Variants in BMP2K observed in about 807,000 individuals in gnomAD.
BMP2K encodes BMP2 inducible kinase, also known as BMP-2-inducible protein kinase.
BMP2K carries 74 observed loss-of-function variants against 116.0 expected under a neutral mutation model. The ratio of observed to expected loss-of-function variants is 0.64; its 90% CI spans 0.53 to 0.77. BMP2K has a LOEUF of 0.77. Ranked by LOEUF, BMP2K falls within the 30% of genes least tolerant of loss-of-function variation. The pLI is 0.00. For missense variants in BMP2K, 1,365 were observed against 1,403.6 expected (o/e 0.97, Z 0.44); for synonymous variants, 486 against 502.5 (o/e 0.97, Z 0.44).
At chr4:78,876,695 A>G (rs1311236605) in intron 13 of BMP2K, among the ~76,000 whole-genome samples, 4 of 152,236 alleles carry the variant, frequency 2.6e-5, no homozygotes, top group Admixed American at 2.6e-4. Flanking sequence ...TCCCTTCATT[A>G]CTACTGTTAA....
At position 78,795,225 on chromosome 4, in the gene BMP2K, A is replaced by G. The variant is rs561974854; in HGVS notation, c.178+18504A>G. Among the ~76,000 whole-genome samples, 4 of 152,348 alleles carry G rather than the reference A, an allele frequency of 2.6e-5. No homozygotes were observed. In the East Asian group the frequency reaches 7.7e-4, roughly 29 times the overall value. ...CTCTCAATAGACTACAAACTCACACATACGGTGTCCCATTTAAAACGTATT... is the reference window on the plus strand; with the variant it reads ...CTCTCAATAGACTACAAACTCACACGTACGGTGTCCCATTTAAAACGTATT... On this transcript the variant is annotated intron_variant, in intron 1 of 15. Coordinates refer to ENST00000502613, the MANE Select transcript of BMP2K (RefSeq NM_198892.2).
intron 9 of BMP2K, among the ~76,000 whole-genome samples, chr4:78,862,882 T>C (rs1032386508): frequency 6.6e-6 from 1 of 152,136 alleles, no homozygotes; most frequent in Non-Finnish European, 1.5e-5. Flanking sequence ...ATCTATGACA[T>C]AGCTTTAATT....
At chr4:78,871,807 C>A in intron 11 of BMP2K, 43 bp from the exon 12 acceptor site, 3 of 1,404,072 alleles carry the variant, frequency 2.1e-6, no homozygotes, top group Non-Finnish European at 3.0e-6. Flanking sequence ...GGCTCTGACA[C>A]AAAAAAGGCA....
chr4:78,780,643 C>G (rs888181954), intron 1 of BMP2K, among the ~76,000 whole-genome samples: 2 of 152,064 alleles, frequency 1.3e-5, no homozygotes, highest in African/African-American at 4.8e-5. Context: ...AGGGAAGGAT[C>G]GAATAAAAAT....
intron 11 of BMP2K, 77 bp downstream of exon 11, chr4:78,871,137 T>C: frequency 1.9e-6 from 3 of 1,562,306 alleles, no homozygotes; most frequent in Non-Finnish European, 2.6e-6. Context: ...AATTCCTTTT[T>C]GTATCATGGG....
chr4:78,779,850 A>G (rs527770044), intron 1 of BMP2K, among the ~76,000 whole-genome samples: 2 of 152,290 alleles, frequency 1.3e-5, no homozygotes, highest in African/African-American at 2.4e-5. Flanking sequence ...TTGAAAATAG[A>G]ACTTGCACCT....
At chr4:78,794,429 A>G (rs1293369223) in intron 1 of BMP2K, among the ~76,000 whole-genome samples, 2 of 152,200 alleles carry the variant, frequency 1.3e-5, no homozygotes, top group African/African-American at 4.8e-5. Context: ...AAGTAGACTT[A>G]GAAACTGTCA....
chr4:78,818,804 T>C (rs917063303), intron 1 of BMP2K, among the ~76,000 whole-genome samples: 2 of 151,374 alleles, frequency 1.3e-5, no homozygotes, highest in Non-Finnish European at 1.5e-5. Flanking sequence ...TTTTTTTTTT[T>C]TTTTCTTCCT....
chr4:78,848,095 G>A (rs1424367057), intron 6 of BMP2K, among the ~76,000 whole-genome samples: 1 of 151,246 alleles, frequency 6.6e-6, no homozygotes. Flanking sequence ...TCCTTTCCTG[G>A]CCTCCTCCCT....
At chr4:78,881,895 A>G (rs920809048) in intron 14 of BMP2K, among the ~76,000 whole-genome samples, 4 of 152,044 alleles carry the variant, frequency 2.6e-5, no homozygotes, top group South Asian at 2.1e-4. Flanking sequence ...TTGAAATGCA[A>G]TGTAGGATAT....
chr4:78,780,685 T>TAA (rs1481762961), intron 1 of BMP2K, among the ~76,000 whole-genome samples: 1 of 152,176 alleles, frequency 6.6e-6, no homozygotes, highest in East Asian at 1.9e-4. Flanking sequence ...ACAACTTCAT[T>TAA]AAATGCCTTT....
intron 1 of BMP2K, among the ~76,000 whole-genome samples, chr4:78,814,417 A>G (rs1729232569): frequency 6.6e-6 from 1 of 152,204 alleles, no homozygotes; most frequent in Non-Finnish European, 1.5e-5. Flanking sequence ...CCCAAATCCC[A>G]TCTTGAATTG....
chr4:78,803,880 C>T (rs1728689882), intron 1 of BMP2K, among the ~76,000 whole-genome samples: 1 of 152,178 alleles, frequency 6.6e-6, no homozygotes, highest in African/African-American at 2.4e-5. Flanking sequence ...CCCATAACTT[C>T]ATATTCTGAG....
intron 15 of BMP2K, among the ~76,000 whole-genome samples, chr4:78,893,591 C>G (rs546766205): frequency 6.6e-6 from 1 of 152,110 alleles, no homozygotes; most frequent in African/African-American, 2.4e-5. Flanking sequence ...AAAAATGGGT[C>G]CTGCTTTGTC....
rs1189941176 is a variant in BMP2K, at chr4:78,903,295, A to G, written c.2063-7315A>G. On this transcript the variant is annotated intron_variant, in intron 15 of 15. Coordinates refer to ENST00000502613, the MANE Select transcript of BMP2K (RefSeq NM_198892.2). ...CCTATTGTTATTACCTTGGTCACTCATTTTCCAGATCACTAGAGTCAGATT... is the reference window on the plus strand; with the variant it reads ...CCTATTGTTATTACCTTGGTCACTCGTTTTCCAGATCACTAGAGTCAGATT... 2.6e-5 allele frequency among the ~76,000 whole-genome samples: 4 copies of G among 151,890 alleles called. No homozygotes were observed. The East Asian group carries it at 7.7e-4, about 29-fold the overall frequency.
intron 3 of BMP2K, among the ~76,000 whole-genome samples, chr4:78,840,212 T>C (rs1399100853): frequency 6.6e-6 from 1 of 152,194 alleles, no homozygotes; most frequent in Non-Finnish European, 1.5e-5. Flanking sequence ...AGCTTTTGTT[T>C]TGGGTTAATG....
At chr4:78,842,241 G>C (rs914211331) in intron 3 of BMP2K, 144 bp from the exon 4 acceptor site, 35 of 582,652 alleles carry the variant, frequency 6.0e-5, no homozygotes, top group Non-Finnish European at 9.5e-5. Context: ...AATTAATACA[G>C]TATGATGTAA....
At chr4:78,879,583 G>T (rs1039864997) in intron 14 of BMP2K, 6 of 277,618 alleles carry the variant, frequency 2.2e-5, no homozygotes, top group Non-Finnish European at 2.7e-5. Flanking sequence ...GGAGCAAAAA[G>T]CTCACTTCTA....
chr4:78,882,287 T>C (rs1240931255), intron 14 of BMP2K, among the ~76,000 whole-genome samples: 1 of 151,748 alleles, frequency 6.6e-6, no homozygotes, highest in Non-Finnish European at 1.5e-5. Flanking sequence ...AGGGATTTAA[T>C]ATGTAAAATA....
Sources: allele counts gnomAD v4.1 joint callset (sites outside exome capture counted in the v4.1 genomes callset), GRCh38; gene constraint gnomAD v4.1.1; transcripts MANE v1.5; gene names NCBI Gene and HGNC (gene_info 2026-07-23, HGNC 2026-07-21).